The following NXPE2 variants were observed in gnomAD, a reference collection of about 807,000 sequenced individuals.
NXPE2 encodes the protein NXPE family member 2.
In NXPE2, 34 loss-of-function variants were observed where a neutral mutation model predicts 34.4. That is an observed-to-expected ratio of 0.99 (90% CI 0.75 to 1.31). NXPE2 has a LOEUF of 1.31. Ranked by LOEUF, NXPE2 falls within the 40% of genes most tolerant of loss-of-function variation. The pLI is 0.00. For synonymous variants in NXPE2, 235 were observed against 231.3 expected (o/e 1.02, Z -0.15); for missense variants, 649 against 672.5 (o/e 0.97, Z 0.39).
the NXPE2 span, among the ~76,000 whole-genome samples, chr11:114,627,835 C>G: frequency 1.3e-5 from 2 of 150,858 alleles, no homozygotes; most frequent in Non-Finnish European, 3.0e-5. Context: ...ATCTACCAAG[C>G]AAATGGAAAA....
At chr11:114,528,385 T>C in the NXPE2 span, among the ~76,000 whole-genome samples, 1 of 152,188 alleles carries the variant, frequency 6.6e-6, no homozygotes, top group East Asian at 1.9e-4. Flanking sequence ...CCCCATCATG[T>C]ACCCAAGGAA....
the NXPE2 span, among the ~76,000 whole-genome samples, chr11:114,747,132 G>T: frequency 1.3e-5 from 2 of 152,108 alleles, no homozygotes; most frequent in Non-Finnish European, 2.9e-5. Context: ...TCTTTGAATT[G>T]AGTGTCTCTA....
the NXPE2 span, among the ~76,000 whole-genome samples, chr11:114,596,995 A>G: frequency 2.0e-5 from 3 of 152,218 alleles, no homozygotes; most frequent in Admixed American, 1.3e-4. Context: ...GATCTCTAAC[A>G]CTGTGTGTTT....
the NXPE2 span, among the ~76,000 whole-genome samples, chr11:114,642,318 T>A: frequency 6.6e-6 from 1 of 152,034 alleles, no homozygotes. Flanking sequence ...TGGTTTGTAG[T>A]TCTCCACATG....
At chr11:114,587,918 G>T in the NXPE2 span, among the ~76,000 whole-genome samples, 1 of 152,132 alleles carries the variant, frequency 6.6e-6, no homozygotes, top group Non-Finnish European at 1.5e-5. Context: ...ATCCTGGCCT[G>T]CAGAGGGGAG....
At chr11:114,721,936 A>G in the NXPE2 span, among the ~76,000 whole-genome samples, 1 of 152,192 alleles carries the variant, frequency 6.6e-6, no homozygotes, top group African/African-American at 2.4e-5. Context: ...AAAAGGAAAA[A>G]GCAAGTAGAA....
chr11:114,625,738 G>A, the NXPE2 span, among the ~76,000 whole-genome samples: 1 of 152,146 alleles, frequency 6.6e-6, no homozygotes, highest in African/African-American at 2.4e-5. Context: ...GAAGGCAGGT[G>A]ATTTCTGCAT....
At chr11:114,479,911 T>C in the NXPE2 span, among the ~76,000 whole-genome samples, 1 of 152,118 alleles carries the variant, frequency 6.6e-6, no homozygotes, top group African/African-American at 2.4e-5. Context: ...AGGAAGCTTA[T>C]AATCATGGTG....
At chr11:114,721,550 A>C in the NXPE2 span, among the ~76,000 whole-genome samples, 1 of 152,148 alleles carries the variant, frequency 6.6e-6, no homozygotes, top group Admixed American at 6.6e-5. Flanking sequence ...AGGTGAATAA[A>C]GGCATGTGGA....
At chr11:114,606,068 T>C in the NXPE2 span, among the ~76,000 whole-genome samples, 15 of 150,742 alleles carry the variant, frequency 1.0e-4, no homozygotes, top group Non-Finnish European at 2.2e-4. Context: ...ACCACTGTTA[T>C]GCACTGAATA....
At chr11:114,670,398 C>T in the NXPE2 span, among the ~76,000 whole-genome samples, 1 of 151,932 alleles carries the variant, frequency 6.6e-6, no homozygotes, top group Non-Finnish European at 1.5e-5. Context: ...AGCCCAATTA[C>T]TAAACAAACA....
At chr11:114,709,394 A>G (rs1309862260), downstream of NXPE2, among the ~76,000 whole-genome samples, 4 of 152,196 alleles carry the variant, frequency 2.6e-5, no homozygotes, top group African/African-American at 9.6e-5. Context: ...CTTTTAAGCC[A>G]TTTACTTCTT....
the NXPE2 span, among the ~76,000 whole-genome samples, chr11:114,492,253 T>G: frequency 1.3e-5 from 2 of 152,200 alleles, no homozygotes; most frequent in South Asian, 4.1e-4. Flanking sequence ...TGATCTTTAT[T>G]ATTTAAGAGC....
the NXPE2 span, among the ~76,000 whole-genome samples, chr11:114,505,173 A>G: frequency 5.3e-5 from 8 of 151,974 alleles, no homozygotes; most frequent in Non-Finnish European, 1.2e-4. Flanking sequence ...GCAGACAAGA[A>G]TAGAGAGAAA....
the NXPE2 span, among the ~76,000 whole-genome samples, chr11:114,479,765 G>A: frequency 6.6e-6 from 1 of 152,108 alleles, no homozygotes; most frequent in African/African-American, 2.4e-5. Context: ...AGACCCCACG[G>A]TGTTAGTTCA....
At chr11:114,688,173 A>C (rs1038393076) in intron 2 of NXPE2, among the ~76,000 whole-genome samples, 6 of 151,838 alleles carry the variant, frequency 4.0e-5, no homozygotes, top group Non-Finnish European at 8.8e-5. Context: ...GCTCCTAGGG[A>C]AAATGCTTCC....
At chr11:114,754,942 C>A in the NXPE2 span, among the ~76,000 whole-genome samples, 1 of 152,160 alleles carries the variant, frequency 6.6e-6, no homozygotes, top group South Asian at 2.1e-4. Flanking sequence ...TATTAAACAA[C>A]CAGCATGGCT....
the NXPE2 span, among the ~76,000 whole-genome samples, chr11:114,491,275 G>C: frequency 6.6e-6 from 1 of 151,554 alleles, no homozygotes; most frequent in African/African-American, 2.4e-5. Flanking sequence ...CTGACGAAGG[G>C]CTAATATCCA....
the NXPE2 span, among the ~76,000 whole-genome samples, chr11:114,539,244 G>A: frequency 6.7e-6 from 1 of 150,224 alleles, no homozygotes; most frequent in Non-Finnish European, 1.5e-5. Context: ...GAGAACACAT[G>A]GACACAGGAA....
Sources: gnomAD v4.1 joint callset for allele counts (sites outside exome capture counted in the v4.1 genomes callset) on GRCh38, gnomAD v4.1.1 for gene constraint, MANE v1.5 for transcripts, NCBI Gene and HGNC (gene_info 2026-07-23, HGNC 2026-07-21) for gene names.